Variants in TMEM68 observed in about 807,000 individuals in gnomAD.
The protein encoded by TMEM68 is transmembrane protein 68.
A neutral mutation model predicts 36.9 loss-of-function variants in TMEM68; 25 were observed. The ratio of observed to expected loss-of-function variants is 0.68; its 90% CI spans 0.49 to 0.95. The LOEUF (loss-of-function observed/expected upper bound fraction) is 0.95, where lower values mean the gene tolerates loss of function less well. Ranked by LOEUF, TMEM68 falls within the 40% of genes least tolerant of loss-of-function variation. The probability of loss-of-function intolerance (pLI) is 0.00; values close to 1 mark genes in which losing one functional copy is unlikely to be tolerated. For missense variants in TMEM68, 333 were observed against 392.0 expected (o/e 0.85, Z 1.27); for synonymous variants, 131 against 124.4 (o/e 1.05, Z -0.35).
At chr8:55,754,443 G>A (rs974654579) in intron 4 of TMEM68, among the ~76,000 whole-genome samples, 3 of 50,222 alleles carry the variant, frequency 6.0e-5, no homozygotes, top group Admixed American at 3.2e-4. Flanking sequence ...ACTCTGTCTC[G>A]AATATATATA....
In TMEM68 at chr8:55,756,731, T is replaced by A. The variant is rs1229487979; in HGVS notation, c.326-320A>T. On this transcript the variant is annotated intron_variant, in intron 3 of 7. Coordinates refer to ENST00000434581, the MANE Select transcript of TMEM68 (RefSeq NM_001286657.2). ...AACCAGAGCAGAGTCACGAGGGCACTGCACAGAAGAGAGCCTATCACAGGT... is the reference window on the plus strand; with the variant it reads ...AACCAGAGCAGAGTCACGAGGGCACAGCACAGAAGAGAGCCTATCACAGGT... Among the ~76,000 whole-genome samples the A allele has an allele frequency of 3.3e-5, 5 of 151,784 alleles. No homozygotes were observed. The East Asian group carries it at 9.7e-4, about 29-fold the overall frequency.
intron 3 of TMEM68, chr8:55,761,284 T>C (rs534439987): frequency 4.6e-5 from 7 of 152,342 alleles, no homozygotes; most frequent in African/African-American, 1.2e-4. Context: ...CATTATTTCA[T>C]GTATCATATG....
Position 55,762,845 on chromosome 8 carries a change from T to G in TMEM68, c.115A>C (p.Asn39His), listed in dbSNP as rs1810840518. The change falls in exon 3 of 8, where the codon AAT becomes CAT. Residue 39 changes from asparagine to histidine, a missense_variant. Physicochemically the swap from Asn to His is moderately conservative, Grantham distance 68 (BLOSUM62 1). Transcript: ENST00000434581. ...ACCCACAAGAGATAGTTTGCAAAAT[T>G]CAAATAGTCCTCCAACTGCTCCACA... is the stretch of plus-strand genomic sequence containing the variant. Reference protein sequence around the residue: ...FGVEQLEDYLNFANYLLWVFT... With the variant: ...FGVEQLEDYLHFANYLLWVFT... 6.2e-7 allele frequency: 1 copy of G among 1,614,014 alleles called. No homozygotes were observed. Among genetic ancestry groups the G allele is most frequent in the African/African-American group, 1.3e-5 (1 of 74,932 alleles).
At chr8:55,763,717 C>CTTGTTTTTATCTTAAATCTT (rs1810877868) in intron 2 of TMEM68, 2 of 47,010 alleles carry the variant, frequency 4.3e-5, no homozygotes, top group East Asian at 2.3e-3. Flanking sequence ...CAAAAGAAAA[C>CTTGTTTTTATCTTAAATCTT]ATCAATATCT....
chr8:55,749,618 G>A (rs905289379), intron 5 of TMEM68, among the ~76,000 whole-genome samples: 2 of 152,146 alleles, frequency 1.3e-5, no homozygotes, highest in Non-Finnish European at 2.9e-5. Context: ...CTGCTCTACT[G>A]CTGCCTTGCT....
intron 4 of TMEM68, among the ~76,000 whole-genome samples, chr8:55,755,789 T>C (rs1284018781): frequency 6.6e-6 from 1 of 151,718 alleles, no homozygotes; most frequent in Admixed American, 6.6e-5. Flanking sequence ...AAGATACAAC[T>C]TAAAAAAATA....
chr8:55,752,147 G>A (rs2129951786), intron 4 of TMEM68, among the ~76,000 whole-genome samples: 1 of 152,106 alleles, frequency 6.6e-6, no homozygotes, highest in Non-Finnish European at 1.5e-5. Context: ...GGGGGAGGTT[G>A]CAGTGAGCCA....
At chr8:55,764,741 G>C (rs900806092) in intron 1 of TMEM68, among the ~76,000 whole-genome samples, 24 of 152,072 alleles carry the variant, frequency 1.6e-4, no homozygotes, top group African/African-American at 5.8e-4. Flanking sequence ...CACAACTTGG[G>C]CTTTATTTAC....
At chr8:55,759,470 C>T (rs1055568836) in intron 3 of TMEM68, among the ~76,000 whole-genome samples, 1 of 152,016 alleles carries the variant, frequency 6.6e-6, no homozygotes, top group Non-Finnish European at 1.5e-5. Context: ...ACTCGGGCGG[C>T]TCAGGCAGGA....
Position 55,756,421 on chromosome 8 carries a change from T to C in TMEM68, c.326-10A>G. ...CCATGAACTTCATAACCTGTTTGAA[T>C]GACAAAATGCAAATACTTAAAATAT... On this transcript the variant is annotated splice_polypyrimidine_tract_variant and intron_variant, in intron 3 of 7. Transcript: ENST00000434581. 1.9e-6 allele frequency: 3 copies of C among 1,553,194 alleles called. No homozygotes were observed. The highest frequency in any genetic ancestry group is 2.6e-6 in the Non-Finnish European group (3 of 1,159,316).
intron 7 of TMEM68, among the ~76,000 whole-genome samples, chr8:55,740,747 C>G (rs772689977): frequency 6.6e-6 from 1 of 151,566 alleles, no homozygotes; most frequent in Admixed American, 6.6e-5. Flanking sequence ...ACAATTATAT[C>G]AGGGTCTCAC....
intron 4 of TMEM68, chr8:55,751,436 T>A: frequency 2.4e-6 from 1 of 424,574 alleles, no homozygotes; most frequent in Non-Finnish European, 4.3e-6. Flanking sequence ...AATAGCTTGC[T>A]CAAAGTCACA....
At chr8:55,755,203 A>C (rs1810565820) in intron 4 of TMEM68, among the ~76,000 whole-genome samples, 1 of 151,648 alleles carries the variant, frequency 6.6e-6, no homozygotes, top group African/African-American at 2.4e-5. Flanking sequence ...GGCAAGTTAC[A>C]CATGATAAGA....
chr8:55,745,032 A>G, intron 6 of TMEM68, 29 bp downstream of exon 6: 4 of 1,386,918 alleles, frequency 2.9e-6, no homozygotes, highest in Non-Finnish European at 3.8e-6. Context: ...ATTACATTGT[A>G]ATTTAAAACC....
chr8:55,754,735 CT>C (rs1810537038), intron 4 of TMEM68, among the ~76,000 whole-genome samples: 1 of 114,410 alleles, frequency 8.7e-6, no homozygotes, highest in Non-Finnish European at 1.7e-5. Flanking sequence ...AAAATACATA[CT>C]TATATATATA....
chr8:55,753,748 G>A (rs1454192936), intron 4 of TMEM68, among the ~76,000 whole-genome samples: 1 of 152,132 alleles, frequency 6.6e-6, no homozygotes, highest in Non-Finnish European at 1.5e-5. Context: ...ACTCAAGAAT[G>A]ATTTTTGAAA....
chr8:55,740,255 A>G (rs1288606484), intron 7 of TMEM68, 37 bp from the exon 8 acceptor site: 1 of 1,494,032 alleles, frequency 6.7e-7, no homozygotes, highest in South Asian at 1.1e-5. Context: ...TTGTTAGTAG[A>G]TCTTAATATA....
At chr8:55,747,906 A>G (rs913246218) in intron 5 of TMEM68, 3 of 152,180 alleles carry the variant, frequency 2.0e-5, no homozygotes, top group East Asian at 1.9e-4. Context: ...GGCTGGATTT[A>G]TATCTACTGA....
At chr8:55,758,581 A>G (rs1810679336) in intron 3 of TMEM68, among the ~76,000 whole-genome samples, 1 of 152,366 alleles carries the variant, frequency 6.6e-6, no homozygotes, top group Non-Finnish European at 1.5e-5. Flanking sequence ...CTGAGATGGT[A>G]GGACTTTTGA....
Sources: allele counts gnomAD v4.1 joint callset (sites outside exome capture counted in the v4.1 genomes callset), GRCh38; gene constraint gnomAD v4.1.1; transcripts MANE v1.5; gene names NCBI Gene and HGNC (gene_info 2026-07-23, HGNC 2026-07-21).